NR6A1: variants seen among roughly 807,000 people sequenced by gnomAD.
The protein encoded by NR6A1 is nuclear receptor subfamily 6 group A member 1, also known as retinoic acid receptor-related testis-associated receptor.
A neutral mutation model predicts 59.1 loss-of-function variants in NR6A1; 7 were observed. The ratio of observed to expected loss-of-function variants is 0.12; its 90% CI spans 0.07 to 0.22. The LOEUF (loss-of-function observed/expected upper bound fraction) is 0.22. Ranked by LOEUF, NR6A1 falls within the 10% of genes least tolerant of loss-of-function variation. NR6A1 has a pLI of 1.00. For synonymous variants in NR6A1, 243 were observed against 236.1 expected (o/e 1.03, Z -0.27); for missense variants, 468 against 611.6 (o/e 0.77, Z 2.48).
chr9:124,531,252 A>G (rs749430239), intron 7 of NR6A1, among the ~76,000 whole-genome samples: 35 of 152,234 alleles, frequency 2.3e-4, no homozygotes, highest in Non-Finnish European at 4.4e-4. Context: ...TCTTCTCCTG[A>G]GAGGAGTCTT....
At chr9:124,674,244 T>TA (rs1837885493) in intron 2 of NR6A1, among the ~76,000 whole-genome samples, 1 of 152,142 alleles carries the variant, frequency 6.6e-6, no homozygotes, top group Non-Finnish European at 1.5e-5. Context: ...AAATGACACA[T>TA]ACAATGCCTA....
intron 2 of NR6A1, among the ~76,000 whole-genome samples, chr9:124,559,347 T>C (rs2131397949): frequency 6.6e-6 from 1 of 152,316 alleles, no homozygotes; most frequent in South Asian, 2.1e-4. Flanking sequence ...GTTATAATGG[T>C]TCAAAGGCTT....
chr9:124,705,880 A>C (rs577917656), intron 2 of NR6A1, among the ~76,000 whole-genome samples: 41 of 151,186 alleles, frequency 2.7e-4, no homozygotes, highest in African/African-American at 9.2e-4. Flanking sequence ...AGTTCAAGTG[A>C]TTCTCCTGCC....
At chr9:124,690,391 A>G (rs1407745712) in intron 2 of NR6A1, among the ~76,000 whole-genome samples, 1 of 152,140 alleles carries the variant, frequency 6.6e-6, no homozygotes, top group Non-Finnish European at 1.5e-5. Flanking sequence ...TTTCTCTGGA[A>G]TATTGGAAAC....
At chr9:124,693,284 G>A (rs959025772) in intron 2 of NR6A1, among the ~76,000 whole-genome samples, 30 of 151,974 alleles carry the variant, frequency 2.0e-4, no homozygotes, top group East Asian at 1.9e-4. Context: ...AATATATAAG[G>A]TGCTTTGTAC....
chr9:124,630,337 T>A (rs963774187), intron 2 of NR6A1, among the ~76,000 whole-genome samples: 8 of 150,140 alleles, frequency 5.3e-5, no homozygotes, highest in African/African-American at 2.0e-4. Context: ...TGTCTCAGCC[T>A]CCTGAGTAGC....
At chr9:124,586,748 C>T (rs982058217) in intron 2 of NR6A1, among the ~76,000 whole-genome samples, 2 of 152,072 alleles carry the variant, frequency 1.3e-5, no homozygotes, top group African/African-American at 2.4e-5. Context: ...CACACCCAGC[C>T]CATGATAAAA....
At chr9:124,571,761 G>A (rs149375939) in intron 2 of NR6A1, among the ~76,000 whole-genome samples, 4 of 152,084 alleles carry the variant, frequency 2.6e-5, no homozygotes, top group Non-Finnish European at 4.4e-5. Flanking sequence ...CTTCAGAGGG[G>A]CTGAGAGTAG....
Position 124,665,983 on chromosome 9 carries a change from T to C in NR6A1, c.142+67325A>G, listed in dbSNP as rs368983009. ...CATTTGCCACAATGAAGCAATATTATCTCCACAGAGCAGGAAGCTCCCAAG... is the reference window on the plus strand; with the variant it reads ...CATTTGCCACAATGAAGCAATATTACCTCCACAGAGCAGGAAGCTCCCAAG... On this transcript the variant is annotated intron_variant, in intron 2 of 9. Transcript: ENST00000487099. 1.2e-3 allele frequency among the ~76,000 whole-genome samples: 176 copies of C among 152,340 alleles called. 2 individuals carry two copies. The highest frequency in any genetic ancestry group is 3.7e-3 in the African/African-American group (155 of 41,578).
At chr9:124,689,372 C>T (rs774876519) in intron 2 of NR6A1, among the ~76,000 whole-genome samples, 8 of 151,462 alleles carry the variant, frequency 5.3e-5, no homozygotes, top group African/African-American at 1.2e-4. Context: ...CTTCTCCAAA[C>T]ATTTAATACA....
intron 2 of NR6A1, among the ~76,000 whole-genome samples, chr9:124,689,492 C>A (rs557480206): frequency 6.6e-6 from 1 of 152,272 alleles, no homozygotes; most frequent in South Asian, 2.1e-4. Context: ...ATTCTATTCT[C>A]GCACATATGA....
At chr9:124,685,510 A>G (rs568480327) in intron 2 of NR6A1, among the ~76,000 whole-genome samples, 1 of 152,270 alleles carries the variant, frequency 6.6e-6, no homozygotes, top group South Asian at 2.1e-4. Flanking sequence ...TTCAATTTTT[A>G]GTAGAGATGG....
chr9:124,617,957 A>C (rs557620526), intron 2 of NR6A1, among the ~76,000 whole-genome samples: 5 of 152,310 alleles, frequency 3.3e-5, no homozygotes, highest in Admixed American at 6.5e-5. Context: ...AACCTTTATC[A>C]ACTAGAATCT....
intron 2 of NR6A1, among the ~76,000 whole-genome samples, chr9:124,630,129 C>T (rs1588722568): frequency 6.6e-6 from 1 of 151,226 alleles, no homozygotes; most frequent in East Asian, 1.9e-4. Flanking sequence ...TATATTTTAT[C>T]ATACAATATC....
At chr9:124,688,564 T>C (rs1838417723) in intron 2 of NR6A1, among the ~76,000 whole-genome samples, 2 of 152,220 alleles carry the variant, frequency 1.3e-5, no homozygotes, top group African/African-American at 2.4e-5. Flanking sequence ...GCTACTGGGT[T>C]ATACATTATG....
intron 1 of NR6A1, among the ~76,000 whole-genome samples, chr9:124,761,966 C>CA (rs992338993): frequency 1.3e-5 from 2 of 152,132 alleles, no homozygotes; most frequent in African/African-American, 4.8e-5. Context: ...CATGTATTCC[C>CA]AAGCAAAGAA....
intron 3 of NR6A1, among the ~76,000 whole-genome samples, chr9:124,553,678 G>A (rs538958674): frequency 3.7e-4 from 55 of 147,408 alleles, no homozygotes; most frequent in African/African-American, 1.3e-3. Flanking sequence ...TATCAGATGA[G>A]TTTCTTCAAC....
intron 2 of NR6A1, among the ~76,000 whole-genome samples, chr9:124,706,719 T>C (rs1483084262): frequency 6.6e-6 from 1 of 152,136 alleles, no homozygotes; most frequent in Non-Finnish European, 1.5e-5. Context: ...GGTTTCACCA[T>C]GTTGTCCAGG....
intron 2 of NR6A1, among the ~76,000 whole-genome samples, chr9:124,617,820 C>T (rs1164491395): frequency 6.6e-6 from 1 of 152,140 alleles, no homozygotes; most frequent in African/African-American, 2.4e-5. Context: ...GACCCTCGTA[C>T]CTGCAAGATA....
Sources: gnomAD v4.1 joint callset for allele counts (sites outside exome capture counted in the v4.1 genomes callset) on GRCh38, gnomAD v4.1.1 for gene constraint, MANE v1.5 for transcripts, NCBI Gene and HGNC (gene_info 2026-07-23, HGNC 2026-07-21) for gene names.